IL20RB: variants seen among roughly 807,000 people sequenced by gnomAD.
IL20RB encodes the protein interleukin 20 receptor subunit beta, also known as interleukin-20 receptor subunit beta.
A neutral mutation model predicts 33.3 loss-of-function variants in IL20RB; 21 were observed. The ratio of observed to expected loss-of-function variants is 0.63; its 90% CI spans 0.45 to 0.91. The LOEUF (loss-of-function observed/expected upper bound fraction) is 0.91, where lower values mean the gene tolerates loss of function less well. IL20RB is among the 40% of genes least tolerant of loss of function. IL20RB has a pLI of 0.00. For missense variants in IL20RB, 345 were observed against 384.8 expected (o/e 0.90, Z 0.86); for synonymous variants, 147 against 146.8 (o/e 1.00, Z -0.01).
chr3:136,969,704 C>A (rs929424871), intron 1 of IL20RB, among the ~76,000 whole-genome samples: 9 of 152,316 alleles, frequency 5.9e-5, no homozygotes, highest in Admixed American at 1.3e-4. Flanking sequence ...TTCACCAGAG[C>A]TGTTCCTATT....
At chr3:136,982,454 C>G in intron 3 of IL20RB, 104 bp downstream of exon 3, 1 of 801,244 alleles carries the variant, frequency 1.2e-6, no homozygotes, top group Non-Finnish European at 1.9e-6. Flanking sequence ...AATAGTCCTG[C>G]AAAGCCAGAG....
intron 5 of IL20RB, among the ~76,000 whole-genome samples, chr3:136,992,998 T>G (rs1473761133): frequency 2.6e-5 from 4 of 152,236 alleles, no homozygotes. Context: ...TCCTGATTAC[T>G]ATTTTATGCT....
At chr3:136,987,824 G>A (rs1941944706) in intron 3 of IL20RB, among the ~76,000 whole-genome samples, 1 of 152,226 alleles carries the variant, frequency 6.6e-6, no homozygotes, top group Non-Finnish European at 1.5e-5. Flanking sequence ...CGCAGCCGCT[G>A]GCCCGGGTGC....
intron 6 of IL20RB, among the ~76,000 whole-genome samples, chr3:137,008,529 C>G (rs1468714481): frequency 6.6e-6 from 1 of 152,106 alleles, no homozygotes; most frequent in Admixed American, 6.5e-5. Flanking sequence ...CTGAGCTTTG[C>G]TTGAAAATTA....
chr3:136,981,494 G>T (rs1327869235), intron 2 of IL20RB, among the ~76,000 whole-genome samples: 1 of 152,206 alleles, frequency 6.6e-6, no homozygotes, highest in African/African-American at 2.4e-5. Context: ...ATGCCATAGA[G>T]AGTTGACACT....
At chr3:136,971,985 C>G (rs1224645395) in intron 1 of IL20RB, among the ~76,000 whole-genome samples, 2 of 152,134 alleles carry the variant, frequency 1.3e-5, no homozygotes, top group Admixed American at 1.3e-4. Context: ...TCTCTGCACC[C>G]TCATCAACGT....
chr3:136,998,568 T>C (rs929924763), intron 6 of IL20RB, among the ~76,000 whole-genome samples: 1 of 151,924 alleles, frequency 6.6e-6, no homozygotes, highest in Non-Finnish European at 1.5e-5. Context: ...TGATTTTTTT[T>C]ATCTGAAAAT....
intron 3 of IL20RB, among the ~76,000 whole-genome samples, chr3:136,983,381 C>G (rs1941828554): frequency 6.6e-6 from 1 of 152,202 alleles, no homozygotes; most frequent in South Asian, 2.1e-4. Flanking sequence ...AGCCATGGCG[C>G]CCGGCCGACC....
intron 1 of IL20RB, among the ~76,000 whole-genome samples, chr3:136,963,706 A>C (rs1003797029): frequency 3.9e-5 from 2 of 51,520 alleles, no homozygotes; most frequent in Non-Finnish European, 8.1e-5. Flanking sequence ...TTTTTTTTTT[A>C]TTATACTCTA....
intron 6 of IL20RB, 69 bp from the exon 7 acceptor site, chr3:137,010,044 G>A (rs361235): frequency 7.9e-6 from 6 of 760,574 alleles, no homozygotes; most frequent in African/African-American, 1.8e-5. Context: ...AGTTAAAAAT[G>A]TAATAATATT....
intron 2 of IL20RB, among the ~76,000 whole-genome samples, chr3:136,981,327 C>G (rs1176972540): frequency 4.2e-5 from 6 of 141,482 alleles, no homozygotes; most frequent in Admixed American, 3.0e-4. Context: ...ACACTAGTCA[C>G]ATTTTAGGTG....
At chr3:136,999,530 C>A (rs1942199430) in intron 6 of IL20RB, among the ~76,000 whole-genome samples, 1 of 151,230 alleles carries the variant, frequency 6.6e-6, no homozygotes. Flanking sequence ...ATATGAGCCA[C>A]TGCTCCCAGC....
chr3:136,972,553 G>A (rs1413124171), intron 1 of IL20RB, among the ~76,000 whole-genome samples: 2 of 152,032 alleles, frequency 1.3e-5, no homozygotes, highest in Non-Finnish European at 2.9e-5. Flanking sequence ...GTCCAGGAAT[G>A]ATCCATTTCT....
chr3:136,967,311 T>G (rs1419090531), intron 1 of IL20RB, among the ~76,000 whole-genome samples: 7 of 136,082 alleles, frequency 5.1e-5, no homozygotes, highest in African/African-American at 1.9e-4. Context: ...AAGTCTCCCA[T>G]TATTAATGTG....
intron 6 of IL20RB, among the ~76,000 whole-genome samples, chr3:137,003,057 T>G (rs1942278521): frequency 6.6e-6 from 1 of 152,208 alleles, no homozygotes; most frequent in Non-Finnish European, 1.5e-5. Context: ...TTTTGTCAGG[T>G]TCATCAAAGA....
intron 6 of IL20RB, among the ~76,000 whole-genome samples, chr3:136,997,068 C>T (rs542922864): frequency 4.0e-5 from 6 of 151,236 alleles, no homozygotes; most frequent in South Asian, 2.1e-4. Flanking sequence ...AAAATGCCAC[C>T]GAGTGTGGGC....
chr3:137,001,210 T>C (rs1403177117), intron 6 of IL20RB, among the ~76,000 whole-genome samples: 2 of 152,246 alleles, frequency 1.3e-5, no homozygotes, highest in Non-Finnish European at 2.9e-5. Flanking sequence ...TCACTACCCT[T>C]GACTACCTTT....
At chr3:136,976,129 C>T (rs1227271793) in intron 1 of IL20RB, among the ~76,000 whole-genome samples, 1 of 152,188 alleles carries the variant, frequency 6.6e-6, no homozygotes, top group African/African-American at 2.4e-5. Flanking sequence ...TTAGGCCCAA[C>T]CTCAGGACCC....
chr3:137,009,595 G>A (rs1186003701), intron 6 of IL20RB, among the ~76,000 whole-genome samples: 3 of 152,116 alleles, frequency 2.0e-5, no homozygotes, highest in African/African-American at 7.2e-5. Flanking sequence ...CTGGAGTGCA[G>A]TGGTGTGATC....
Sources: gnomAD v4.1 joint callset for allele counts (sites outside exome capture counted in the v4.1 genomes callset) on GRCh38, gnomAD v4.1.1 for gene constraint, MANE v1.5 for transcripts, NCBI Gene and HGNC (gene_info 2026-07-23, HGNC 2026-07-21) for gene names.